The following ASIC2 variants were observed in gnomAD, a reference collection of about 807,000 sequenced individuals.
The protein encoded by ASIC2 is acid sensing ion channel subunit 2.
In ASIC2, 25 loss-of-function variants were observed where a neutral mutation model predicts 57.3. The ratio of observed to expected loss-of-function variants is 0.44; its 90% CI spans 0.32 to 0.61. ASIC2 has a LOEUF of 0.61. Among genes scored for constraint, ASIC2 ranks in the 20% least tolerant of loss-of-function variants. The pLI, the probability that ASIC2 is intolerant of heterozygous loss-of-function variation, is 0.06. For missense variants in ASIC2, 641 were observed against 738.1 expected, an observed-to-expected ratio of 0.87 and a Z score of 1.52; for synonymous variants, 319 against 307.5, an observed-to-expected ratio of 1.04 and a Z score of -0.39.
intron 1 of ASIC2, among the ~76,000 whole-genome samples, chr17:33,802,021 C>T (rs942000053): frequency 6.6e-6 from 1 of 152,048 alleles, no homozygotes; most frequent in African/African-American, 2.4e-5. Context: ...CTGTTAGTTC[C>T]CTGGGAAAGA....
At chr17:33,280,400 G>C (rs1904893062) in intron 1 of ASIC2, among the ~76,000 whole-genome samples, 1 of 152,160 alleles carries the variant, frequency 6.6e-6, no homozygotes, top group Non-Finnish European at 1.5e-5. Flanking sequence ...TGAGATATTT[G>C]AATCTTAAAT....
intron 1 of ASIC2, among the ~76,000 whole-genome samples, chr17:33,339,207 A>G (rs949979960): frequency 6.6e-6 from 1 of 152,156 alleles, no homozygotes; most frequent in Non-Finnish European, 1.5e-5. Flanking sequence ...GGTTGGCTTC[A>G]CCCTCAGATG....
chr17:33,348,612 G>C (rs1908043454), intron 1 of ASIC2, among the ~76,000 whole-genome samples: 1 of 152,118 alleles, frequency 6.6e-6, no homozygotes, highest in African/African-American at 2.4e-5. Context: ...AATTGGGTGA[G>C]ATTAGGGTGC....
At chr17:33,387,513 A>G (rs2141950497) in intron 1 of ASIC2, among the ~76,000 whole-genome samples, 1 of 152,324 alleles carries the variant, frequency 6.6e-6, no homozygotes. Context: ...CTGGCAAGAC[A>G]CAGACCCTCT....
chr17:33,227,255 G>A (rs866514212), intron 1 of ASIC2, among the ~76,000 whole-genome samples: 1 of 152,152 alleles, frequency 6.6e-6, no homozygotes, highest in Non-Finnish European at 1.5e-5. Context: ...GATGAAATGG[G>A]AATAAAGTCT....
At chr17:33,337,537 G>A (rs1412481806) in intron 1 of ASIC2, among the ~76,000 whole-genome samples, 1 of 152,202 alleles carries the variant, frequency 6.6e-6, no homozygotes, top group Non-Finnish European at 1.5e-5. Context: ...CTGTTCAAAG[G>A]GGATAGTAAT....
intron 1 of ASIC2, among the ~76,000 whole-genome samples, chr17:33,127,927 C>T (rs946869022): frequency 3.9e-5 from 6 of 152,220 alleles, no homozygotes; most frequent in African/African-American, 1.4e-4. Context: ...GGGCCCCACC[C>T]AATTCCTTCT....
chr17:33,136,783 G>T (rs544045979), intron 1 of ASIC2, among the ~76,000 whole-genome samples: 3 of 152,304 alleles, frequency 2.0e-5, no homozygotes, highest in Admixed American at 2.0e-4. Context: ...GACCCTCATT[G>T]TTGGGATAGA....
At position 33,624,387 on chromosome 17, in the gene ASIC2, G is replaced by A. The variant is rs538381184; in HGVS notation, c.556-512320C>T. ...CACCTGGTGAAGGTTTGAAGAATCT[G>A]GAAAAAGGATGGATACACAGACTGA... On this transcript the variant is annotated intron_variant, in intron 1 of 9. Transcript: ENST00000359872. Among the ~76,000 whole-genome samples, 7 of 152,280 alleles carry A rather than the reference G, an allele frequency of 4.6e-5. No homozygotes were observed. In the South Asian group the frequency reaches 1.5e-3, roughly 32 times the overall value.
intron 1 of ASIC2, among the ~76,000 whole-genome samples, chr17:33,591,728 G>T (rs945934571): frequency 1.3e-5 from 2 of 152,214 alleles, no homozygotes; most frequent in Non-Finnish European, 2.9e-5. Flanking sequence ...TTGTCTCAAA[G>T]TGGGGCCACT....
intron 1 of ASIC2, among the ~76,000 whole-genome samples, chr17:33,886,790 A>G (rs1335205702): frequency 1.3e-5 from 2 of 152,132 alleles, no homozygotes; most frequent in Non-Finnish European, 2.9e-5. Context: ...CCCTTGAAAC[A>G]GCAGTATTGG....
At chr17:33,946,985 C>G (rs779670769) in intron 1 of ASIC2, among the ~76,000 whole-genome samples, 20 of 151,982 alleles carry the variant, frequency 1.3e-4, no homozygotes, top group Non-Finnish European at 2.1e-4. Context: ...GCACCTGCAC[C>G]CACTGAGATT....
At chr17:33,436,880 T>TTTTTTTTTG (rs1186285987) in intron 1 of ASIC2, among the ~76,000 whole-genome samples, 2 of 130,466 alleles carry the variant, frequency 1.5e-5, no homozygotes, top group African/African-American at 5.8e-5. Flanking sequence ...TTTTTTTTTT[T>TTTTTTTTTG]TTTGAGACGG....
chr17:33,511,714 C>T (rs1162941880), intron 1 of ASIC2, among the ~76,000 whole-genome samples: 2 of 152,212 alleles, frequency 1.3e-5, no homozygotes, highest in African/African-American at 4.8e-5. Context: ...CCTCCAATCC[C>T]ATTGCACAAG....
intron 1 of ASIC2, among the ~76,000 whole-genome samples, chr17:33,635,502 T>C (rs770680292): frequency 7.2e-5 from 11 of 152,214 alleles, no homozygotes; most frequent in Non-Finnish European, 1.5e-4. Context: ...CATAAGCACA[T>C]CATAGCAACA....
intron 3 of ASIC2, among the ~76,000 whole-genome samples, chr17:33,064,552 A>G (rs1320204615): frequency 1.3e-5 from 2 of 152,200 alleles, no homozygotes; most frequent in South Asian, 2.1e-4. Flanking sequence ...ATTCCTCTGG[A>G]TGTTTCATCT....
chr17:34,118,447 A>G (rs1177272791), intron 1 of ASIC2: 1 of 152,148 alleles, frequency 6.6e-6, no homozygotes, highest in Non-Finnish European at 1.5e-5. Flanking sequence ...ATCTTCTACA[A>G]TTCCCCACAC....
intron 1 of ASIC2, among the ~76,000 whole-genome samples, chr17:33,961,680 G>C (rs562741170): frequency 3.9e-5 from 6 of 152,270 alleles, no homozygotes; most frequent in Admixed American, 3.9e-4. Context: ...TCAGACCAAG[G>C]AAGAATTTCA....
intron 1 of ASIC2, among the ~76,000 whole-genome samples, chr17:33,729,207 A>G (rs9903658): frequency 0.11 from 16,773 of 152,194 alleles, 999 homozygotes; most frequent in South Asian, 0.17. Context: ...CAATCCTGGC[A>G]GAAGGAGAAG....
Sources: gnomAD v4.1 joint callset for allele counts (sites outside exome capture counted in the v4.1 genomes callset) on GRCh38, gnomAD v4.1.1 for gene constraint, MANE v1.5 for transcripts, NCBI Gene and HGNC (gene_info 2026-07-23, HGNC 2026-07-21) for gene names.